The following NELL1 variants were observed in gnomAD, a reference collection of about 807,000 sequenced individuals.
NELL1 encodes protein kinase C-binding protein NELL1.
In NELL1, 76 loss-of-function variants were observed where a neutral mutation model predicts 107.4. The observed-to-expected ratio is 0.71, with a 90% CI of 0.59 to 0.86. The LOEUF (loss-of-function observed/expected upper bound fraction) is 0.86. NELL1 is among the 40% of genes least tolerant of loss of function. The pLI is 0.00. For synonymous variants in NELL1, 353 were observed against 341.2 expected (o/e 1.03, Z -0.38); for missense variants, 1,024 against 1,005.5 (o/e 1.02, Z -0.25).
At chr11:21,545,055 C>G in intron 16 of NELL1, among the ~76,000 whole-genome samples, 1 of 151,908 alleles carries the variant, frequency 6.6e-6, no homozygotes, top group South Asian at 2.1e-4. Context: ...TTACTCAAAA[C>G]AACTGTTGAT....
chr11:21,424,033 T>G (rs1852759078), intron 15 of NELL1, among the ~76,000 whole-genome samples: 1 of 152,092 alleles, frequency 6.6e-6, no homozygotes, highest in East Asian at 1.9e-4. Context: ...GCGAAAGATC[T>G]CAATCCAACA....
chr11:21,345,118 C>A (rs1263230770), intron 14 of NELL1, among the ~76,000 whole-genome samples: 1 of 152,076 alleles, frequency 6.6e-6, no homozygotes, highest in African/African-American at 2.4e-5. Context: ...GTGATTGAGC[C>A]CAGAAGTAGC....
At chr11:21,566,923 G>A (rs77485954) in intron 17 of NELL1, among the ~76,000 whole-genome samples, 1,564 of 151,892 alleles carry the variant, frequency 0.01, 23 homozygotes, top group African/African-American at 0.035. Flanking sequence ...GGCCTATTTG[G>A]CATTTTCACA....
chr11:20,847,895 A>C, intron 4 of NELL1, 142 bp downstream of exon 4: 1 of 821,660 alleles, frequency 1.2e-6, no homozygotes, highest in Non-Finnish European at 1.9e-6. Flanking sequence ...ACCAAATGGG[A>C]CCTTAGGCAT....
chr11:21,541,618 C>G (rs2133979165), intron 16 of NELL1, among the ~76,000 whole-genome samples: 1 of 152,126 alleles, frequency 6.6e-6, no homozygotes, highest in Admixed American at 6.6e-5. Flanking sequence ...GCTATGAAGC[C>G]TTTGCAGGCA....
At chr11:21,023,466 A>G (rs1282815412) in intron 12 of NELL1, among the ~76,000 whole-genome samples, 16 of 152,132 alleles carry the variant, frequency 1.1e-4, no homozygotes, top group Admixed American at 1.0e-3. Context: ...GGTAGCGGCA[A>G]TATGACTTTC....
intron 13 of NELL1, among the ~76,000 whole-genome samples, chr11:21,147,992 G>A (rs894876041): frequency 6.6e-6 from 1 of 152,160 alleles, no homozygotes; most frequent in Non-Finnish European, 1.5e-5. Flanking sequence ...TCAAGTTAAG[G>A]CCTCTACTGA....
intron 15 of NELL1, among the ~76,000 whole-genome samples, chr11:21,491,859 C>G (rs1445319814): frequency 3.9e-5 from 6 of 151,984 alleles, no homozygotes; most frequent in Non-Finnish European, 5.9e-5. Context: ...TTGTTTGTAT[C>G]CTCTTTTATT....
intron 14 of NELL1, among the ~76,000 whole-genome samples, chr11:21,291,423 A>T (rs1345017676): frequency 9.4e-6 from 1 of 106,076 alleles, no homozygotes; most frequent in Non-Finnish European, 2.0e-5. Context: ...AATTGAGATG[A>T]TAATTAATAG....
At chr11:21,495,140 C>A (rs529033539) in intron 15 of NELL1, among the ~76,000 whole-genome samples, 1 of 152,282 alleles carries the variant, frequency 6.6e-6, no homozygotes, top group African/African-American at 2.4e-5. Flanking sequence ...AAACTCCGTA[C>A]TCATTAAGCA....
At chr11:20,718,895 C>A (rs867112351) in intron 2 of NELL1, among the ~76,000 whole-genome samples, 10 of 152,118 alleles carry the variant, frequency 6.6e-5, no homozygotes, top group African/African-American at 2.2e-4. Flanking sequence ...GTACCAAGGG[C>A]TGATTTCTTT....
intron 12 of NELL1, among the ~76,000 whole-genome samples, chr11:21,078,835 A>G (rs1257385740): frequency 6.6e-6 from 1 of 152,126 alleles, no homozygotes; most frequent in African/African-American, 2.4e-5. Flanking sequence ...AGGTACAAGC[A>G]AACTAATCGT....
chr11:20,903,034 A>G (rs993776128), intron 5 of NELL1, among the ~76,000 whole-genome samples: 2 of 152,104 alleles, frequency 1.3e-5, no homozygotes, highest in African/African-American at 2.4e-5. Context: ...GAAGACTTCA[A>G]CTATATTGAG....
chr11:21,436,008 A>C (rs976706992), intron 15 of NELL1, among the ~76,000 whole-genome samples: 3 of 151,988 alleles, frequency 2.0e-5, no homozygotes, highest in African/African-American at 7.2e-5. Flanking sequence ...TACTGATTCA[A>C]TCTCATTATG....
intron 13 of NELL1, among the ~76,000 whole-genome samples, chr11:21,189,421 T>C (rs1857002826): frequency 6.6e-6 from 1 of 151,892 alleles, no homozygotes; most frequent in African/African-American, 2.4e-5. Context: ...TACATTTACA[T>C]ATCTTTGTTC....
chr11:20,674,524 T>C (rs1236277981), intron 1 of NELL1: 7 of 1,536,120 alleles, frequency 4.6e-6, no homozygotes, highest in Non-Finnish European at 4.4e-6. Flanking sequence ...ATCGCTGATA[T>C]GGAGAACTAG....
chr11:20,710,825 A>T (rs899369314), intron 2 of NELL1, among the ~76,000 whole-genome samples: 1 of 152,088 alleles, frequency 6.6e-6, no homozygotes, highest in Non-Finnish European at 1.5e-5. Flanking sequence ...AGGTGTTCAC[A>T]GTAGCCTTGA....
intron 4 of NELL1, among the ~76,000 whole-genome samples, chr11:20,874,116 G>A (rs1213159759): frequency 6.6e-6 from 1 of 152,098 alleles, no homozygotes; most frequent in Non-Finnish European, 1.5e-5. Flanking sequence ...TGCCCAGGCT[G>A]GAGTGCAATG....
Position 21,177,399 on chromosome 11 carries a change from A to C in NELL1, c.1427-51933A>C, listed in dbSNP as rs190030586. Among the ~76,000 whole-genome samples, 3 of 151,812 alleles carry C rather than the reference A, an allele frequency of 2.0e-5. No individual in the cohort carries two copies. In the East Asian group the frequency reaches 5.8e-4, roughly 29 times the overall value. On this transcript the variant is annotated intron_variant, in intron 13 of 19. Transcript: ENST00000357134. ...TGCCTGGCTTATTTCACTTAGCATA[A>C]TGTCATCTAGCTTCATCCATGTTGT...
Sources: gnomAD v4.1 joint callset for allele counts (sites outside exome capture counted in the v4.1 genomes callset) on GRCh38, gnomAD v4.1.1 for gene constraint, MANE v1.5 for transcripts, NCBI Gene and HGNC (gene_info 2026-07-23, HGNC 2026-07-21) for gene names.